The following SERPINE2 variants were observed in gnomAD, a reference collection of about 807,000 sequenced individuals.
SERPINE2 encodes the protein glia-derived nexin.
In SERPINE2, 14 loss-of-function variants were observed where a neutral mutation model predicts 36.3. The ratio of observed to expected loss-of-function variants is 0.39; its 90% CI spans 0.25 to 0.60. SERPINE2 has a LOEUF of 0.60. SERPINE2 is among the 20% of genes least tolerant of loss of function. The pLI is 0.57. For missense variants in SERPINE2, 418 were observed against 499.6 expected (o/e 0.84, Z 1.56); for synonymous variants, 192 against 191.8 (o/e 1.00, Z -0.01).
chr2:223,999,938 T>G (rs1035404940), intron 2 of SERPINE2, among the ~76,000 whole-genome samples: 1 of 152,176 alleles, frequency 6.6e-6, no homozygotes, highest in South Asian at 2.1e-4. Flanking sequence ...GTTCCAAGTA[T>G]TTAGTCCTTC....
chr2:224,001,760 A>C lies in SERPINE2; in HGVS notation c.141T>G (p.Pro47=). 6.2e-7 allele frequency: 1 copy of C among 1,614,108 alleles called. No homozygotes were observed. Among genetic ancestry groups the C allele is most frequent in the Non-Finnish European group, 8.5e-7 (1 of 1,180,020 alleles). The part of the protein sequence containing the change: ...QVFNQIVKSR[P]HDNIVISPHG... The stretch of plus-strand genomic sequence containing the variant: ...GGGGAGAGATCACGATGTTGTCATG[A>C]GGCCTCGACTTCACAATCTGATTGA... Residue 47 remains proline, a synonymous_variant, in exon 2 of 9, where the codon CCT becomes CCG. Transcript: ENST00000409304.
chr2:224,006,043 T>G, intron 1 of SERPINE2, among the ~76,000 whole-genome samples: 1 of 152,222 alleles, frequency 6.6e-6, no homozygotes, highest in East Asian at 1.9e-4. Context: ...TTTAACGTAG[T>G]AAATAATGGG....
At chr2:223,990,204 G>A (rs921518439) in intron 4 of SERPINE2, among the ~76,000 whole-genome samples, 6 of 152,184 alleles carry the variant, frequency 3.9e-5, no homozygotes, top group African/African-American at 1.4e-4. Context: ...GCCCAGAGCA[G>A]GGTGGAAGCG....
intron 1 of SERPINE2, among the ~76,000 whole-genome samples, chr2:224,036,595 C>T (rs756652252): frequency 1.3e-4 from 19 of 149,156 alleles, no homozygotes; most frequent in Non-Finnish European, 1.9e-4. Context: ...AACAAACCTG[C>T]ACGTTCTGCA....
rs1559200378 is a variant in SERPINE2, at chr2:223,991,934, T to C, written c.554A>G (p.Asn185Ser). The change falls in exon 4 of 9, where the codon AAC becomes AGC. Residue 185 changes from asparagine to serine, a missense_variant. Coordinates refer to ENST00000409304, the MANE Select transcript of SERPINE2 (RefSeq NM_001136528.2). ...DGVLTRLVLV[N>S]AVYFKGLWKS... ...CCACAGACCCTTGAAATACACTGCG[T>C]TGACGAGGACCAGTCTGGTGAGCAC... The C allele has an allele frequency of 2.5e-6, 4 of 1,613,516 alleles. No homozygotes were observed. The highest frequency in any genetic ancestry group is 2.2e-5 in the East Asian group (1 of 44,880).
intron 1 of SERPINE2, among the ~76,000 whole-genome samples, chr2:224,020,612 T>C (rs960789593): frequency 1.8e-4 from 27 of 152,242 alleles, no homozygotes; most frequent in Non-Finnish European, 3.7e-4. Flanking sequence ...ATTGCAACAA[T>C]ATTTTCAATT....
intron 5 of SERPINE2, among the ~76,000 whole-genome samples, chr2:223,983,356 C>A (rs1018527350): frequency 6.6e-6 from 1 of 152,154 alleles, no homozygotes; most frequent in Non-Finnish European, 1.5e-5. Flanking sequence ...TGGGTTCAAG[C>A]AATTCTCCCG....
intron 6 of SERPINE2, chr2:223,981,869 C>G (rs1489060138): frequency 6.7e-6 from 1 of 150,274 alleles, no homozygotes; most frequent in African/African-American, 2.4e-5. Context: ...GCATGAAATG[C>G]CAAAATACAT....
At chr2:223,977,495 T>C in intron 8 of SERPINE2, 49 bp downstream of exon 8, 1 of 1,230,740 alleles carries the variant, frequency 8.1e-7, no homozygotes, top group Non-Finnish European at 1.2e-6. Flanking sequence ...GCAATATACC[T>C]TTTGAAATTC....
intron 1 of SERPINE2, chr2:224,038,841 C>A (rs962992203): frequency 6.8e-6 from 2 of 293,942 alleles, no homozygotes; most frequent in African/African-American, 2.2e-5. Flanking sequence ...TTGCCCTGCC[C>A]GGGTCCCGCT....
chr2:224,038,418 C>G, intron 1 of SERPINE2: 1 of 1,310,850 alleles, frequency 7.6e-7, no homozygotes, highest in Non-Finnish European at 1.1e-6. Flanking sequence ...GCCTTCCTTC[C>G]CCGCTCAGTT....
chr2:223,997,910 T>G (rs572201326), intron 3 of SERPINE2, among the ~76,000 whole-genome samples: 1 of 152,262 alleles, frequency 6.6e-6, no homozygotes, highest in African/African-American at 2.4e-5. Flanking sequence ...TTGCCCAAAC[T>G]ACAGGAGAAA....
chr2:223,993,926 G>A (rs6721140), intron 3 of SERPINE2, among the ~76,000 whole-genome samples: 94,444 of 152,006 alleles, frequency 0.62, 29,770 homozygotes, highest in Admixed American at 0.71. Flanking sequence ...CTGTGGGAGC[G>A]AAGTTAGAAC....
chr2:224,018,376 T>C (rs543469298), intron 1 of SERPINE2, among the ~76,000 whole-genome samples: 60 of 152,356 alleles, frequency 3.9e-4, no homozygotes, highest in African/African-American at 1.3e-3. Context: ...CATTCCATGA[T>C]AGAAGTCTAG....
chr2:223,990,798 C>A (rs1690631662), intron 4 of SERPINE2, among the ~76,000 whole-genome samples: 1 of 151,978 alleles, frequency 6.6e-6, no homozygotes, highest in Non-Finnish European at 1.5e-5. Context: ...GGCAACGTGG[C>A]AAAACCCCAT....
At chr2:223,997,608 G>A (rs1393299315) in intron 3 of SERPINE2, among the ~76,000 whole-genome samples, 4 of 152,188 alleles carry the variant, frequency 2.6e-5, no homozygotes, top group African/African-American at 9.7e-5. Context: ...ATTTTGAGAT[G>A]TGGAAAGGGC....
At chr2:224,037,695 T>G (rs982415667) in intron 1 of SERPINE2, among the ~76,000 whole-genome samples, 1 of 152,236 alleles carries the variant, frequency 6.6e-6, no homozygotes, top group Non-Finnish European at 1.5e-5. Flanking sequence ...AATCTCTGAC[T>G]GGTATTTAAT....
At chr2:224,029,499 T>C (rs1692288835) in intron 1 of SERPINE2, among the ~76,000 whole-genome samples, 1 of 152,224 alleles carries the variant, frequency 6.6e-6, no homozygotes, top group South Asian at 2.1e-4. Context: ...CATAATTAAA[T>C]GACCATCACC....
At chr2:224,021,254 G>T (rs896689777) in intron 1 of SERPINE2, among the ~76,000 whole-genome samples, 2 of 152,194 alleles carry the variant, frequency 1.3e-5, no homozygotes, top group African/African-American at 4.8e-5. Context: ...AAGAAAGAAA[G>T]GGTGCCCGGA....
Sources: gnomAD v4.1 joint callset for allele counts (sites outside exome capture counted in the v4.1 genomes callset) on GRCh38, gnomAD v4.1.1 for gene constraint, MANE v1.5 for transcripts, NCBI Gene and HGNC (gene_info 2026-07-23, HGNC 2026-07-21) for gene names.